AGMAT: variants seen among roughly 807,000 people sequenced by gnomAD.
AGMAT encodes the protein guanidino acid hydrolase, mitochondrial.
In AGMAT, 37 loss-of-function variants were observed where a neutral mutation model predicts 29.3. That is an observed-to-expected ratio of 1.26 (90% confidence interval 0.97 to 1.66). The LOEUF is 1.66. Ranked by LOEUF, AGMAT falls within the 40% of genes most tolerant of loss-of-function variation. AGMAT has a pLI of 0.00. For synonymous variants in AGMAT, 199 were observed against 200.8 expected (o/e 0.99, Z 0.08); for missense variants, 498 against 497.8 (o/e 1.00, Z 0.00).
At chr1:15,578,713 A>G in intron 4 of AGMAT, 146 bp downstream of exon 4, 2 of 893,010 alleles carry the variant, frequency 2.2e-6, no homozygotes, top group African/African-American at 1.7e-5. Context: ...TATGCTCCTT[A>G]TGCCCCTGAT....
rs567003177 is a variant in AGMAT, at chr1:15,578,926, C to T, written c.653G>A (p.Arg218His). ...CVDEGLLDCK[R>H]VVQIGIRGSS... ...GCCCCGGATGCCAATCTGCACCACA[C>T]GCTTACAGTCCAGGAGACCCTCATC... The change falls in exon 4 of 7, where the codon CGT (arginine) becomes CAT (histidine). Residue 218 changes from arginine (R) to histidine (H), a missense_variant. By Grantham distance (29) the Arg-to-His change is conservative. Transcript: ENST00000375826. 117 of 1,614,156 alleles carry T rather than the reference C, an allele frequency of 7.2e-5. No individual in the cohort carries two copies. The highest frequency in any genetic ancestry group is 5.3e-4 in the Admixed American group (32 of 60,012).
intron 6 of AGMAT, 87 bp downstream of exon 6, chr1:15,574,670 G>T: frequency 8.3e-7 from 1 of 1,207,178 alleles, no homozygotes; most frequent in Non-Finnish European, 1.2e-6. Context: ...GGGCCACCAT[G>T]CCTGGCCCCA....
chr1:15,576,263 C>T (rs1280719074), intron 5 of AGMAT, among the ~76,000 whole-genome samples: 9 of 150,006 alleles, frequency 6.0e-5, no homozygotes, highest in Admixed American at 2.0e-4. Context: ...CCACCATGCC[C>T]GGCTAATTTT....
At position 15,573,048 on chromosome 1, in the gene AGMAT, C is replaced by T. The variant is rs1214241436; in HGVS notation, c.*603G>A. Reference sequence around the variant, plus strand: ...CTGAGGCGGGCGGATCACCTTAGGTCAGGAGTTCAAGACCAGCCTGGCCAA... The same window carrying T: ...CTGAGGCGGGCGGATCACCTTAGGTTAGGAGTTCAAGACCAGCCTGGCCAA... On this transcript the variant is annotated 3_prime_UTR_variant, in exon 7 of 7. Transcript: ENST00000375826. 6.6e-6 allele frequency: 1 copy of T among 152,194 alleles called. No homozygotes were observed. The highest frequency in any genetic ancestry group is 2.4e-5 in the African/African-American group (1 of 41,412). 9.4% of individuals were successfully genotyped at this position (152,194 alleles called of 1,614,324 possible).
At chr1:15,582,126 G>A (rs959389895) in intron 2 of AGMAT, among the ~76,000 whole-genome samples, 6 of 150,764 alleles carry the variant, frequency 4.0e-5, no homozygotes, top group Non-Finnish European at 5.9e-5. Context: ...AAAATTAGCC[G>A]GGCATGCTGG....
intron 1 of AGMAT, 107 bp downstream of exon 1, chr1:15,584,589 C>A: frequency 8.4e-7 from 1 of 1,193,342 alleles, no homozygotes; most frequent in Non-Finnish European, 1.1e-6. Context: ...CACCAGCTTC[C>A]AACTCGACCC....
At position 15,574,814 on chromosome 1, in the gene AGMAT, C is replaced by A. The variant is rs762047966; in HGVS notation, c.928G>T (p.Gly310Cys). Reference protein sequence around the residue: ...QALEIIRGCQGLNVMGCDLVE... With the variant: ...QALEIIRGCQCLNVMGCDLVE... ...AGATCACAGCCCATCACGTTCAGGCCTTGACAACCCCTGATGATCTCCAGA... is the reference window on the plus strand; with the variant it reads ...AGATCACAGCCCATCACGTTCAGGCATTGACAACCCCTGATGATCTCCAGA... The change falls in exon 6 of 7, where the codon GGC becomes TGC. Residue 310 changes from glycine (G) to cysteine (C), a missense_variant. By Grantham distance (159) the Gly-to-Cys change is radical (BLOSUM62 -3). Coordinates refer to ENST00000375826, the MANE Select transcript of AGMAT (RefSeq NM_024758.5). 9.9e-6 allele frequency: 16 copies of A among 1,613,866 alleles called. No individual in the cohort carries two copies. Among genetic ancestry groups the A allele is most frequent in the Non-Finnish European group, 2.5e-6 (3 of 1,179,910 alleles).
Position 15,573,617 on chromosome 1 carries a change from G to T in AGMAT, c.*34C>A. The T allele has an allele frequency of 6.3e-7, 1 of 1,597,860 alleles. No homozygotes were observed. The highest frequency in any genetic ancestry group is 1.1e-5 in the South Asian group (1 of 90,688). ...AAGTTCTTCTTGAGAACTTGTCAGCGACGCAATCTGTTTTGTCTTGAAGAG... is the reference window on the plus strand; with the variant it reads ...AAGTTCTTCTTGAGAACTTGTCAGCTACGCAATCTGTTTTGTCTTGAAGAG... On this transcript the variant is annotated 3_prime_UTR_variant, in exon 7 of 7. Transcript: ENST00000375826.
intron 1 of AGMAT, 40 bp from the exon 2 acceptor site, chr1:15,583,435 G>A (rs1639143691): frequency 1.3e-6 from 2 of 1,576,056 alleles, no homozygotes; most frequent in Non-Finnish European, 1.7e-6. Flanking sequence ...ATCATCTGCA[G>A]AGATTTCAGG....
intron 6 of AGMAT, among the ~76,000 whole-genome samples, chr1:15,574,267 G>T (rs906724080): frequency 1.3e-5 from 2 of 152,086 alleles, no homozygotes; most frequent in Non-Finnish European, 2.9e-5. Context: ...TACCTCCTGG[G>T]GGTTTTGTTA....
chr1:15,581,481 A>C (rs1570943211), intron 2 of AGMAT, among the ~76,000 whole-genome samples: 2 of 152,358 alleles, frequency 1.3e-5, no homozygotes, highest in South Asian at 2.1e-4. Flanking sequence ...ACAATGTTCT[A>C]TCTGCACTGG....
At chr1:15,574,714 A>C (rs774109313) in intron 6 of AGMAT, 43 bp downstream of exon 6, 1 of 1,540,700 alleles carries the variant, frequency 6.5e-7, no homozygotes. Flanking sequence ...GTGTAATTTA[A>C]GCTACCGGCT....
chr1:15,582,827 G>A (rs1028834558), intron 2 of AGMAT, among the ~76,000 whole-genome samples: 1 of 152,062 alleles, frequency 6.6e-6, no homozygotes, highest in Middle Eastern at 3.2e-3. Context: ...GCAAAACCCC[G>A]ACTCTACCAA....
chr1:15,581,755 A>G (rs572427856), intron 2 of AGMAT, among the ~76,000 whole-genome samples: 7 of 152,134 alleles, frequency 4.6e-5, no homozygotes, highest in Admixed American at 4.6e-4. Context: ...CGCGCCTGTA[A>G]TCCCAGCTAT....
intron 4 of AGMAT, 80 bp from the exon 5 acceptor site, chr1:15,577,944 G>C (rs932213005): frequency 7.3e-7 from 1 of 1,366,812 alleles, no homozygotes; most frequent in Non-Finnish European, 1.0e-6. Context: ...GCTCAGCTCT[G>C]TGTGCACATG....
chr1:15,584,735 A>T lies in AGMAT; in HGVS notation c.233T>A (p.Val78Glu), dbSNP rs769217139. The stretch of plus-strand genomic sequence containing the variant: ...GTTGGAGGTCCCAGTATCCAGGGGC[A>T]CCCCGATGAAGGCAGCGTCCAGCCC... Reference protein sequence around the residue: ...PEGLDAAFIGVPLDTGTSNRP... With the variant: ...PEGLDAAFIGEPLDTGTSNRP... The change falls in exon 1 of 7, where the codon GTG becomes GAG. Residue 78 changes from valine (V) to glutamate (E), a missense_variant. Physicochemically the swap from Val to Glu is moderately radical, Grantham distance 121. Transcript: ENST00000375826. 18 of 1,345,910 alleles carry T rather than the reference A, an allele frequency of 1.3e-5. No homozygotes were observed. The East Asian group carries it at 4.8e-4, about 36-fold the overall frequency. 83.4% of individuals were successfully genotyped at this position (1,345,910 alleles called of 1,614,324 possible).
chr1:15,578,969 G>A lies in AGMAT; in HGVS notation c.610C>T (p.Pro204Ser). ...ALGEKLYHGA[P>S]FRRCVDEGLL... ...CCCTCATCCACACACCGGCGGAAGG[G>A]CGCCCCGTGGTAGAGCTTCTCTCCT... Residue 204 changes from proline to serine, a missense_variant, in exon 4 of 7, where the codon CCC becomes TCC. Physicochemically the swap from Pro to Ser is moderately conservative, Grantham distance 74. Coordinates refer to ENST00000375826, the MANE Select transcript of AGMAT (RefSeq NM_024758.5). 4 of 1,614,162 alleles carry A rather than the reference G, an allele frequency of 2.5e-6. No individual in the cohort carries two copies. Among genetic ancestry groups the A allele is most frequent in the Non-Finnish European group, 3.4e-6 (4 of 1,180,026 alleles).
chr1:15,583,593 A>G (rs1049447750), intron 1 of AGMAT, among the ~76,000 whole-genome samples, 198 bp from the exon 2 acceptor site: 5 of 152,186 alleles, frequency 3.3e-5, no homozygotes, highest in Non-Finnish European at 5.9e-5. Context: ...TAACAACCCA[A>G]AACGCCTCCA....
rs1435402475 is a variant in AGMAT, at chr1:15,580,133, T to C, written c.485A>G (p.His162Arg). The change falls in exon 3 of 7, where the codon CAC (histidine) becomes CGC (arginine). Residue 162 changes from histidine (H) to arginine (R), a missense_variant. Physicochemically the swap from His to Arg is conservative, Grantham distance 29. Transcript: ENST00000375826. ...GCIPLTLGGD[H>R]TITYPILQAM... ...TTGCAATATGGGATATGTGATTGTGTGATCTCCACCTGCAAAGAGGAAGAA... is the reference window on the plus strand; with the variant it reads ...TTGCAATATGGGATATGTGATTGTGCGATCTCCACCTGCAAAGAGGAAGAA... 6.2e-7 allele frequency: 1 copy of C among 1,613,270 alleles called. No homozygotes were observed. Among genetic ancestry groups the C allele is most frequent in the African/African-American group, 1.3e-5 (1 of 74,760 alleles).
Sources: allele counts gnomAD v4.1 joint callset (sites outside exome capture counted in the v4.1 genomes callset), GRCh38; gene constraint gnomAD v4.1.1; transcripts MANE v1.5; gene names NCBI Gene and HGNC (gene_info 2026-07-23, HGNC 2026-07-21).